The following CCSER1 variants were observed in gnomAD, a reference collection of about 807,000 sequenced individuals.
CCSER1 encodes the protein serine-rich coiled-coil domain-containing protein 1.
Under a neutral mutation model 82.0 loss-of-function variants are expected in CCSER1, and 41 were observed. The observed-to-expected ratio is 0.50, with a 90% CI of 0.39 to 0.65. The LOEUF (loss-of-function observed/expected upper bound fraction) is 0.65. Among genes scored for constraint, CCSER1 ranks in the 30% least tolerant of loss-of-function variants. The pLI is 0.00. For synonymous variants in CCSER1, 414 were observed against 383.9 expected (o/e 1.08, Z -0.92); for missense variants, 1,119 against 1,064.2 (o/e 1.05, Z -0.72).
chr4:90,319,302 T>C (rs1736704236), intron 3 of CCSER1, among the ~76,000 whole-genome samples: 1 of 152,172 alleles, frequency 6.6e-6, no homozygotes, highest in Non-Finnish European at 1.5e-5. Flanking sequence ...GCTCATTTGG[T>C]ATATACACCT....
intron 7 of CCSER1, among the ~76,000 whole-genome samples, chr4:90,735,440 C>T (rs1745478462): frequency 6.6e-6 from 1 of 152,084 alleles, no homozygotes; most frequent in African/African-American, 2.4e-5. Context: ...GCAGTGAAGC[C>T]ACTGGGTCCT....
intron 5 of CCSER1, among the ~76,000 whole-genome samples, chr4:90,529,951 A>ATAT (rs376043950): frequency 0.016 from 2,016 of 127,104 alleles, 45 homozygotes; most frequent in African/African-American, 0.054. Context: ...ATATATATAT[A>ATAT]TTTTTTTTTT....
chr4:91,113,755 T>C (rs1478528325), intron 10 of CCSER1, among the ~76,000 whole-genome samples: 1 of 152,222 alleles, frequency 6.6e-6, no homozygotes, highest in African/African-American at 2.4e-5. Flanking sequence ...TTCATAGAAA[T>C]CTTTTAAACA....
At chr4:90,650,483 T>C (rs1208211202) in intron 6 of CCSER1, among the ~76,000 whole-genome samples, 1 of 152,044 alleles carries the variant, frequency 6.6e-6, no homozygotes, top group African/African-American at 2.4e-5. Context: ...AGGAATGTGA[T>C]GAATAGAAAC....
chr4:90,832,103 A>T (rs1761189575), intron 8 of CCSER1, among the ~76,000 whole-genome samples: 1 of 151,994 alleles, frequency 6.6e-6, no homozygotes, highest in Non-Finnish European at 1.5e-5. Flanking sequence ...TTCCTAGTTC[A>T]GTGTTATAAG....
At chr4:90,605,016 G>C (rs1004141024) in intron 5 of CCSER1, among the ~76,000 whole-genome samples, 1 of 152,156 alleles carries the variant, frequency 6.6e-6, no homozygotes, top group Non-Finnish European at 1.5e-5. Context: ...TCCACGTGTG[G>C]GAGGTTTGTT....
At chr4:91,171,618 C>G (rs1732765824) in intron 10 of CCSER1, among the ~76,000 whole-genome samples, 1 of 152,070 alleles carries the variant, frequency 6.6e-6, no homozygotes, top group South Asian at 2.1e-4. Flanking sequence ...GTACCCCAGG[C>G]CTCACATAAT....
At chr4:91,369,169 A>T (rs893549664) in intron 10 of CCSER1, among the ~76,000 whole-genome samples, 11 of 152,178 alleles carry the variant, frequency 7.2e-5, no homozygotes, top group African/African-American at 2.4e-4. Context: ...GTTACAGCTC[A>T]GCAGAGGAGT....
intron 10 of CCSER1, among the ~76,000 whole-genome samples, chr4:91,211,438 C>T (rs961377142): frequency 1.3e-5 from 2 of 152,030 alleles, no homozygotes; most frequent in African/African-American, 4.8e-5. Flanking sequence ...ACATTTTCCT[C>T]TTCTGGTATT....
intron 10 of CCSER1, among the ~76,000 whole-genome samples, chr4:91,482,196 A>T (rs931428151): frequency 4.0e-5 from 6 of 149,088 alleles, no homozygotes; most frequent in Admixed American, 4.0e-4. Flanking sequence ...AGGTCAGGAG[A>T]TCGAGACCAT....
Position 90,877,140 on chromosome 4 carries a change from C to T in CCSER1, c.2095-46230C>T, listed in dbSNP as rs117178314. On this transcript the variant is annotated intron_variant, in intron 8 of 10. Transcript: ENST00000509176. Reference sequence around the variant, plus strand: ...GATCAAAGACTTATTTCTTGCTCACCATACATAAGTGCCTTATAAGGTGCA... The same window carrying T: ...GATCAAAGACTTATTTCTTGCTCACTATACATAAGTGCCTTATAAGGTGCA... 1.4e-3 allele frequency among the ~76,000 whole-genome samples: 217 copies of T among 152,102 alleles called. 2 individuals carry two copies. The East Asian group carries it at 0.037, about 26-fold the overall frequency.
intron 1 of CCSER1, among the ~76,000 whole-genome samples, chr4:90,228,410 G>T (rs1409344833): frequency 6.6e-6 from 1 of 152,158 alleles, no homozygotes; most frequent in East Asian, 1.9e-4. Flanking sequence ...GCAGCTGAGG[G>T]TCCTGTCAGA....
At chr4:91,480,545 A>G (rs980262815) in intron 10 of CCSER1, among the ~76,000 whole-genome samples, 3 of 152,192 alleles carry the variant, frequency 2.0e-5, no homozygotes, top group African/African-American at 7.2e-5. Context: ...ATTGACACCA[A>G]TCTTTGTTTT....
At chr4:91,500,571 A>C (rs976251840) in intron 10 of CCSER1, among the ~76,000 whole-genome samples, 1 of 151,878 alleles carries the variant, frequency 6.6e-6, no homozygotes, top group African/African-American at 2.4e-5. Context: ...TGAATGTTTC[A>C]TGGGTGCTTG....
chr4:90,675,386 T>C (rs1377031241), intron 6 of CCSER1, among the ~76,000 whole-genome samples: 2 of 151,350 alleles, frequency 1.3e-5, no homozygotes, highest in African/African-American at 4.8e-5. Context: ...TATATTACTA[T>C]ATGTCTAGTA....
chr4:90,265,509 A>C (rs1725075845), intron 1 of CCSER1, among the ~76,000 whole-genome samples: 1 of 151,946 alleles, frequency 6.6e-6, no homozygotes, highest in Non-Finnish European at 1.5e-5. Context: ...ATTACATTAA[A>C]ATAGTCTTAA....
intron 10 of CCSER1, among the ~76,000 whole-genome samples, chr4:91,281,789 A>G (rs780274247): frequency 1.3e-5 from 2 of 152,048 alleles, no homozygotes; most frequent in African/African-American, 2.4e-5. Flanking sequence ...CATAGTTTAC[A>G]TTTTTCTTTG....
At chr4:91,007,948 A>G (rs945511700) in intron 9 of CCSER1, among the ~76,000 whole-genome samples, 1 of 151,766 alleles carries the variant, frequency 6.6e-6, no homozygotes, top group East Asian at 1.9e-4. Context: ...TTTTCATTTT[A>G]ATTTGTCTCT....
chr4:90,628,337 G>A, intron 6 of CCSER1, 105 bp downstream of exon 6: 4 of 830,794 alleles, frequency 4.8e-6, no homozygotes, highest in Non-Finnish European at 7.8e-6. Flanking sequence ...ATGACATTGG[G>A]CAGGGGTCAG....
Sources: gnomAD v4.1 joint callset for allele counts (sites outside exome capture counted in the v4.1 genomes callset) on GRCh38, gnomAD v4.1.1 for gene constraint, MANE v1.5 for transcripts, NCBI Gene and HGNC (gene_info 2026-07-23, HGNC 2026-07-21) for gene names.